Variants in LOXHD1 observed in about 807,000 individuals in gnomAD.
LOXHD1 encodes lipoxygenase homology PLAT domains 1, also known as lipoxygenase homology domain-containing protein 1.
In LOXHD1, 205 loss-of-function variants were observed where a neutral mutation model predicts 248.2. That is an observed-to-expected ratio of 0.83 (90% confidence interval 0.74 to 0.93). LOXHD1 has a LOEUF of 0.93. Ranked by LOEUF, LOXHD1 falls within the 40% of genes least tolerant of loss-of-function variation. The probability of loss-of-function intolerance (pLI) is 0.00; values close to 1 mark genes in which losing one functional copy is unlikely to be tolerated. For synonymous variants in LOXHD1, 1,113 were observed against 1,162.8 expected, an observed-to-expected ratio of 0.96 and a Z score of 0.87; for missense variants, 2,930 against 2,971.6, an observed-to-expected ratio of 0.99 and a Z score of 0.33.
At chr18:46,587,862 A>G (rs555861528) in intron 12 of LOXHD1, among the ~76,000 whole-genome samples, 3 of 152,210 alleles carry the variant, frequency 2.0e-5, no homozygotes, top group Non-Finnish European at 2.9e-5. Context: ...TGTATTGTCC[A>G]TATCTCCCAG....
chr18:46,608,211 G>A (rs927479138), intron 6 of LOXHD1, among the ~76,000 whole-genome samples: 2 of 152,134 alleles, frequency 1.3e-5, no homozygotes, highest in African/African-American at 2.4e-5. Flanking sequence ...GGAAAGAAAC[G>A]AAAAGTCTAC....
intron 1 of LOXHD1, among the ~76,000 whole-genome samples, chr18:46,651,096 G>C (rs2039105139): frequency 6.6e-6 from 1 of 152,210 alleles, no homozygotes. Context: ...TGGCAGATTA[G>C]ATGTAGCTCA....
chr18:46,622,163 A>G (rs2038677425), intron 4 of LOXHD1, among the ~76,000 whole-genome samples: 1 of 152,134 alleles, frequency 6.6e-6, no homozygotes, highest in Admixed American at 6.5e-5. Context: ...AGGGTGGGCA[A>G]ACTTTTTCTG....
intron 35 of LOXHD1, 40 bp downstream of exon 35, chr18:46,509,658 G>A: frequency 2.1e-6 from 3 of 1,408,344 alleles, no homozygotes; most frequent in Non-Finnish European, 2.0e-6. Context: ...GAAGGGGTGG[G>A]TGGTGGCTGG....
At chr18:46,639,427 A>T (rs1204526197) in intron 4 of LOXHD1, among the ~76,000 whole-genome samples, 189 bp downstream of exon 4, 4 of 152,204 alleles carry the variant, frequency 2.6e-5, no homozygotes, top group African/African-American at 9.6e-5. Flanking sequence ...CTAGAGCATA[A>T]AAAGTTGCCC....
intron 35 of LOXHD1, 119 bp from the exon 36 acceptor site, chr18:46,507,831 C>A: frequency 1.8e-6 from 2 of 1,103,366 alleles, no homozygotes; most frequent in Non-Finnish European, 2.5e-6. Context: ...CTGAGACAAG[C>A]GCTTGCGACT....
At chr18:46,600,950 T>G (rs2038327257) in intron 8 of LOXHD1, among the ~76,000 whole-genome samples, 1 of 152,182 alleles carries the variant, frequency 6.6e-6, no homozygotes, top group South Asian at 2.1e-4. Flanking sequence ...ACACCAGGAA[T>G]CAGGATAATC....
chr18:46,590,577 C>G (rs562186862), intron 12 of LOXHD1, among the ~76,000 whole-genome samples: 1 of 152,224 alleles, frequency 6.6e-6, no homozygotes, highest in Admixed American at 6.5e-5. Flanking sequence ...CAGGTTAGTG[C>G]AAAAGTAATT....
intron 7 of LOXHD1, among the ~76,000 whole-genome samples, chr18:46,602,884 A>C (rs2038359668): frequency 6.6e-6 from 1 of 152,214 alleles, no homozygotes; most frequent in African/African-American, 2.4e-5. Flanking sequence ...AGCAATGCCC[A>C]GCTGCTATCA....
chr18:46,604,003 TG>T, intron 7 of LOXHD1, 102 bp downstream of exon 7: 1 of 1,455,586 alleles, frequency 6.9e-7, no homozygotes, highest in Non-Finnish European at 9.3e-7. Flanking sequence ...CAGACCCAGC[TG>T]GCTCCTGTTT....
chr18:46,478,898 A>G (rs1028736239), intron 40 of LOXHD1, among the ~76,000 whole-genome samples: 5 of 152,124 alleles, frequency 3.3e-5, no homozygotes, highest in African/African-American at 1.2e-4. Flanking sequence ...GGGTCTCACC[A>G]TGCTTCCCAG....
chr18:46,570,077 C>G (rs2037721956), intron 15 of LOXHD1, among the ~76,000 whole-genome samples: 1 of 152,176 alleles, frequency 6.6e-6, no homozygotes, highest in South Asian at 2.1e-4. Context: ...GCTAAGGATT[C>G]TGACCCCAGT....
In LOXHD1 at chr18:46,477,680, C is replaced by A; in HGVS notation, c.6614G>T (p.Arg2205Leu). 3 of 1,551,860 alleles carry A rather than the reference C, an allele frequency of 1.9e-6. No individual in the cohort carries two copies. Among genetic ancestry groups the A allele is most frequent in the Non-Finnish European group, 2.6e-6 (3 of 1,147,036 alleles). Residue 2205 changes from arginine (R) to leucine (L), a missense_variant, in exon 41 of 41, where the codon CGC (arginine) becomes CTC (leucine). Transcript: ENST00000642948. Reference protein sequence around the residue: ...RNLFERGSTDRFFLETLELGE... With the variant: ...RNLFERGSTDLFFLETLELGE... ...CAGCTCCAGCGTCTCCAGGAAGAAG[C>A]GGTCTGTGCTGCCCCGCTCGAAGAG...
At chr18:46,607,369 G>A (rs911851021) in intron 6 of LOXHD1, among the ~76,000 whole-genome samples, 1 of 147,770 alleles carries the variant, frequency 6.8e-6, no homozygotes, top group Non-Finnish European at 1.5e-5. Context: ...ATACATATAT[G>A]TACATATATA....
chr18:46,552,627 C>T (rs1469051562), intron 21 of LOXHD1, among the ~76,000 whole-genome samples: 1 of 152,194 alleles, frequency 6.6e-6, no homozygotes, highest in African/African-American at 2.4e-5. Flanking sequence ...AAGGCCTCCA[C>T]AGCTTTATAT....
At chr18:46,540,898 A>G (rs1055345119) in intron 25 of LOXHD1, among the ~76,000 whole-genome samples, 1 of 152,120 alleles carries the variant, frequency 6.6e-6, no homozygotes, top group East Asian at 1.9e-4. Flanking sequence ...AGATATTTTG[A>G]TGATCTGTTC....
chr18:46,546,763 G>T, intron 22 of LOXHD1, 132 bp downstream of exon 22: 1 of 1,008,034 alleles, frequency 9.9e-7, no homozygotes, highest in Non-Finnish European at 1.4e-6. Flanking sequence ...GAATGAGAGG[G>T]CAATACAATA....
chr18:46,591,813 G>C, intron 12 of LOXHD1, 120 bp downstream of exon 12: 1 of 1,264,576 alleles, frequency 7.9e-7, no homozygotes, highest in Non-Finnish European at 1.1e-6. Flanking sequence ...ATCCACTCTG[G>C]CACTCTAAGG....
intron 9 of LOXHD1, among the ~76,000 whole-genome samples, 172 bp downstream of exon 9, chr18:46,594,159 T>A (rs576164267): frequency 1.3e-5 from 2 of 152,204 alleles, no homozygotes; most frequent in South Asian, 4.2e-4. Flanking sequence ...TGGCCTGTAC[T>A]TTGGAGAGTG....
Sources: gnomAD v4.1 joint callset for allele counts (sites outside exome capture counted in the v4.1 genomes callset) on GRCh38, gnomAD v4.1.1 for gene constraint, MANE v1.5 for transcripts, NCBI Gene and HGNC (gene_info 2026-07-23, HGNC 2026-07-21) for gene names.